Variants in COL23A1 observed in about 807,000 individuals in gnomAD.
COL23A1 encodes the protein collagen alpha-1(XXIII) chain.
A neutral mutation model predicts 99.3 loss-of-function variants in COL23A1; 97 were observed. The ratio of observed to expected loss-of-function variants is 0.98; its 90% CI spans 0.83 to 1.16. The LOEUF is 1.16. Ranked by LOEUF, COL23A1 falls within the 50% of genes most tolerant of loss-of-function variation. The pLI, the probability that COL23A1 is intolerant of heterozygous loss-of-function variation, is 0.00. For synonymous variants in COL23A1, 320 were observed against 308.2 expected (o/e 1.04, Z -0.40); for missense variants, 762 against 757.4 (o/e 1.01, Z -0.07).
chr5:178,499,248 G>A (rs1056223668), intron 2 of COL23A1, among the ~76,000 whole-genome samples: 25 of 150,310 alleles, frequency 1.7e-4, no homozygotes, highest in African/African-American at 5.6e-4. Flanking sequence ...CTATGAAACC[G>A]GACATGGTGC....
At chr5:178,358,411 ATGTGTATGTGTGTGTATGTGTATG>A (rs1203387359) in intron 2 of COL23A1, among the ~76,000 whole-genome samples, 28 of 117,106 alleles carry the variant, frequency 2.4e-4, no homozygotes, top group East Asian at 1.5e-3. Flanking sequence ...GTATGTGTGT[ATGTGTATGTGTGTGTATGTGTATG>A]TGTGTATGTG....
intron 2 of COL23A1, among the ~76,000 whole-genome samples, chr5:178,345,850 T>C (rs1050555258): frequency 2.0e-5 from 3 of 152,066 alleles, no homozygotes; most frequent in African/African-American, 7.2e-5. Context: ...TAAAATGAAA[T>C]TAGATCATTA....
intron 2 of COL23A1, among the ~76,000 whole-genome samples, chr5:178,391,233 C>T (rs564358341): frequency 8.5e-5 from 13 of 152,284 alleles, no homozygotes; most frequent in African/African-American, 2.6e-4. Flanking sequence ...TTGTTTTCCA[C>T]GAAACCAGTC....
At chr5:178,261,819 C>T in intron 10 of COL23A1, 71 bp from the exon 11 acceptor site, 4 of 1,319,900 alleles carry the variant, frequency 3.0e-6, no homozygotes, top group Non-Finnish European at 4.4e-6. Context: ...TTCTTAGCAT[C>T]CTGGCTTTGT....
At chr5:178,402,702 T>C (rs548745261) in intron 2 of COL23A1, among the ~76,000 whole-genome samples, 28 of 151,540 alleles carry the variant, frequency 1.8e-4, no homozygotes, top group Non-Finnish European at 3.4e-4. Context: ...GCCTGGGACA[T>C]AGCAAAATCC....
At chr5:178,543,695 CCTT>C (rs557288345) in intron 2 of COL23A1, among the ~76,000 whole-genome samples, 3 of 152,250 alleles carry the variant, frequency 2.0e-5, no homozygotes, top group African/African-American at 7.2e-5. Flanking sequence ...ATCACCTCCA[CCTT>C]CTTTCACCAA....
chr5:178,450,826 G>C (rs1767445988), intron 2 of COL23A1, among the ~76,000 whole-genome samples: 1 of 152,172 alleles, frequency 6.6e-6, no homozygotes, highest in South Asian at 2.1e-4. Context: ...AGAAACCAAG[G>C]CCCAAGAAAG....
At chr5:178,456,703 TAAAC>T (rs1219028419) in intron 2 of COL23A1, among the ~76,000 whole-genome samples, 4 of 151,444 alleles carry the variant, frequency 2.6e-5, no homozygotes, top group African/African-American at 7.3e-5. Context: ...CATCTCAAAA[TAAAC>T]AAACTCCAGA....
chr5:178,457,060 ATGCACACCT>A (rs1244730109), intron 2 of COL23A1, among the ~76,000 whole-genome samples: 6 of 152,318 alleles, frequency 3.9e-5, no homozygotes, highest in African/African-American at 9.6e-5. Flanking sequence ...AGGCCCTTCC[ATGCACACCT>A]TGTTCCAAAA....
chr5:178,372,930 C>CT (rs1183891249), intron 2 of COL23A1, among the ~76,000 whole-genome samples: 5,087 of 58,758 alleles, frequency 0.087, 198 homozygotes, highest in African/African-American at 0.29. Context: ...CTTTTTCTTT[C>CT]TTTTTTTTTT....
At chr5:178,375,312 C>T (rs532139212) in intron 2 of COL23A1, among the ~76,000 whole-genome samples, 6 of 152,280 alleles carry the variant, frequency 3.9e-5, no homozygotes, top group Non-Finnish European at 7.4e-5. Context: ...GGCTTTCTTC[C>T]GCAGGGGATG....
chr5:178,313,766 C>T lies in COL23A1; in HGVS notation c.362-6847G>A, dbSNP rs1758830414. On this transcript the variant is annotated intron_variant, in intron 2 of 28. Transcript: ENST00000390654. This position sits in a 1 kb window ranked among gnomAD's most constrained non-coding sequence, Gnocchi z 4.2. ...TTGGGAGGAAGTGGGGTGAGATGGC[C>T]TGAATCCTCCCAGACCTTCAGTCTG... Among the ~76,000 whole-genome samples, 1 of 152,158 alleles carries T rather than the reference C, an allele frequency of 6.6e-6. No homozygotes were observed. Among genetic ancestry groups the T allele is most frequent in the Non-Finnish European group, 1.5e-5 (1 of 68,034 alleles).
chr5:178,360,654 G>A (rs1295811795), intron 2 of COL23A1, among the ~76,000 whole-genome samples: 1 of 152,216 alleles, frequency 6.6e-6, no homozygotes, highest in Non-Finnish European at 1.5e-5. Flanking sequence ...CTCCCTATTT[G>A]GGTCATGAAA....
At chr5:178,555,012 A>C (rs262012) in intron 2 of COL23A1, among the ~76,000 whole-genome samples, 85,310 of 152,018 alleles carry the variant, frequency 0.56, 26,867 homozygotes, top group African/African-American at 0.84. Context: ...CTGGGTGTGG[A>C]CATAAAAAGG....
intron 2 of COL23A1, among the ~76,000 whole-genome samples, chr5:178,482,733 G>A (rs887994548): frequency 3.3e-5 from 5 of 151,070 alleles, no homozygotes; most frequent in South Asian, 2.1e-4. Context: ...TGCTACCGTC[G>A]CTACTAAAAC....
At chr5:178,429,623 G>A (rs138710714) in intron 2 of COL23A1, among the ~76,000 whole-genome samples, 3 of 152,224 alleles carry the variant, frequency 2.0e-5, no homozygotes, top group African/African-American at 4.8e-5. Flanking sequence ...ATTGAGTGCC[G>A]CTTCCTGGTC....
chr5:178,590,179 C>G lies in COL23A1; in HGVS notation c.19G>C (p.Ala7Pro). The G allele has an allele frequency of 3.3e-6, 4 of 1,220,050 alleles. No homozygotes were observed. Among genetic ancestry groups the G allele is most frequent in the Non-Finnish European group, 4.1e-6 (4 of 984,214 alleles). The allele number at this position is 1,220,050 out of a possible 1,614,324, so 75.6% of individuals were successfully genotyped here. MGPGER[A>P]GGGGDAGKGN... ...TTCCCCGCGTCGCCGCCGCCACCGG[C>G]GCGCTCGCCTGGGCCCATGGCGCGT... The change falls in exon 1 of 29, where the codon GCC (alanine) becomes CCC (proline). Residue 7 changes from alanine to proline, a missense_variant. Transcript: ENST00000390654. This position sits in a 1 kb window ranked among gnomAD's most constrained non-coding sequence, Gnocchi z 5.7.
At chr5:178,398,784 C>G (rs1364530509) in intron 2 of COL23A1, among the ~76,000 whole-genome samples, 1 of 152,186 alleles carries the variant, frequency 6.6e-6, no homozygotes, top group African/African-American at 2.4e-5. Flanking sequence ...TTCAGGGACC[C>G]GTTGTTCTCA....
chr5:178,529,970 G>A lies in COL23A1; in HGVS notation c.361+30712C>T, dbSNP rs1041142207. 3.3e-5 allele frequency among the ~76,000 whole-genome samples: 5 copies of A among 152,186 alleles called. No individual in the cohort carries two copies. The South Asian group carries it at 8.3e-4, about 25-fold the overall frequency. Reference sequence around the variant, plus strand: ...TACTTTTAAGACGAAGGAAGATCCCGCTCTAGCAGTCAGGCCTATCTGATA... The same window carrying A: ...TACTTTTAAGACGAAGGAAGATCCCACTCTAGCAGTCAGGCCTATCTGATA... On this transcript the variant is annotated intron_variant, in intron 2 of 28. Coordinates refer to ENST00000390654, the MANE Select transcript of COL23A1 (RefSeq NM_173465.4).
Sources: allele counts gnomAD v4.1 joint callset (sites outside exome capture counted in the v4.1 genomes callset), GRCh38; gene constraint gnomAD v4.1.1; non-coding constraint Gnocchi (gnomAD v3.1); transcripts MANE v1.5; gene names NCBI Gene and HGNC (gene_info 2026-07-23, HGNC 2026-07-21).